B3GALT1: variants seen among roughly 807,000 people sequenced by gnomAD.
The protein encoded by B3GALT1 is beta-1,3-galactosyltransferase 1.
In B3GALT1, 10 loss-of-function variants were observed where a neutral mutation model predicts 23.2. That is an observed-to-expected ratio of 0.43 (90% CI 0.27 to 0.73). The LOEUF (loss-of-function observed/expected upper bound fraction) is 0.73. B3GALT1 is among the 30% of genes least tolerant of loss of function. The probability of loss-of-function intolerance (pLI) is 0.21; values close to 1 mark genes in which losing one functional copy is unlikely to be tolerated. For missense variants in B3GALT1, 299 were observed against 405.4 expected, an observed-to-expected ratio of 0.74 and a Z score of 2.25; for synonymous variants, 156 against 141.5, an observed-to-expected ratio of 1.10 and a Z score of -0.73.
At chr2:167,868,201 T>C (rs933670048) in intron 4 of B3GALT1, among the ~76,000 whole-genome samples, 39 of 152,264 alleles carry the variant, frequency 2.6e-4, no homozygotes, top group Middle Eastern at 6.8e-3. Flanking sequence ...AAAATTAGAA[T>C]TAGAGCTAAG....
Position 167,870,465 on chromosome 2 carries a change from G to A in B3GALT1, c.*445G>A, listed in dbSNP as rs150648556. On this transcript the variant is annotated 3_prime_UTR_variant, in exon 5 of 5. Coordinates refer to ENST00000392690, the MANE Select transcript of B3GALT1 (RefSeq NM_020981.4). ...CTGGATGTGATTATTAATATCGTGT[G>A]TGTTGTTACATTATATTTTTACATA... The A allele has an allele frequency of 3.2e-3, 552 of 171,022 alleles. 3 individuals are homozygous for A. Among genetic ancestry groups the A allele is most frequent in the Non-Finnish European group, 4.1e-3 (287 of 70,524 alleles). 10.6% of individuals were successfully genotyped at this position (171,022 alleles called of 1,614,324 possible).
At chr2:167,844,915 A>T (rs1173202146) in intron 4 of B3GALT1, among the ~76,000 whole-genome samples, 4 of 151,964 alleles carry the variant, frequency 2.6e-5, no homozygotes, top group African/African-American at 9.7e-5. Context: ...GCACAGTGGG[A>T]GTGTGACTGG....
chr2:167,621,672 C>T (rs1005413806), intron 2 of B3GALT1, among the ~76,000 whole-genome samples: 7 of 151,980 alleles, frequency 4.6e-5, no homozygotes, highest in African/African-American at 1.7e-4. Context: ...GGGAGGGACC[C>T]AGTGGGAGGT....
chr2:167,390,151 A>G (rs997314338), intron 1 of B3GALT1, among the ~76,000 whole-genome samples: 5 of 152,104 alleles, frequency 3.3e-5, no homozygotes, highest in Non-Finnish European at 7.3e-5. Flanking sequence ...GTCCTGCCCC[A>G]GCTGGGATTT....
At chr2:167,793,566 C>T (rs1688483950) in intron 3 of B3GALT1, among the ~76,000 whole-genome samples, 1 of 152,116 alleles carries the variant, frequency 6.6e-6, no homozygotes, top group South Asian at 2.1e-4. Context: ...TCCACATTTC[C>T]AATTGTGTAG....
At position 167,858,342 on chromosome 2, in the gene B3GALT1, A is replaced by C. The variant is rs566472132; in HGVS notation, c.-229-10469A>C. 1.8e-4 allele frequency among the ~76,000 whole-genome samples: 27 copies of C among 150,016 alleles called. No homozygotes were observed. The South Asian group carries it at 5.5e-3, about 31-fold the overall frequency. On this transcript the variant is annotated intron_variant, in intron 4 of 4. Transcript: ENST00000392690. ...TTGTTTTTCTTTTGAACAAGAGCGA[A>C]GTAAAAAAAAAAAAAAAAAAAACTG...
At chr2:167,406,494 A>G (rs1698278516) in intron 1 of B3GALT1, among the ~76,000 whole-genome samples, 1 of 152,046 alleles carries the variant, frequency 6.6e-6, no homozygotes. Flanking sequence ...CCCTCCCCCA[A>G]ATTCTTCCCA....
chr2:167,835,183 G>C (rs958934704), intron 4 of B3GALT1, among the ~76,000 whole-genome samples: 1 of 152,110 alleles, frequency 6.6e-6, no homozygotes, highest in Non-Finnish European at 1.5e-5. Flanking sequence ...AGTGGGTGCA[G>C]GTTAGTGGGT....
intron 1 of B3GALT1, among the ~76,000 whole-genome samples, chr2:167,456,726 A>C (rs1360211566): frequency 3.3e-5 from 5 of 152,142 alleles, no homozygotes; most frequent in Admixed American, 3.3e-4. Flanking sequence ...GATACAACGC[A>C]AGAACAGTCA....
intron 2 of B3GALT1, among the ~76,000 whole-genome samples, chr2:167,570,275 G>C (rs1053269354): frequency 6.6e-6 from 1 of 151,820 alleles, no homozygotes; most frequent in African/African-American, 2.4e-5. Flanking sequence ...GAATTCATCA[G>C]TGAACTCATC....
intron 4 of B3GALT1, among the ~76,000 whole-genome samples, chr2:167,859,929 T>C (rs1277217165): frequency 6.6e-6 from 1 of 152,314 alleles, no homozygotes; most frequent in South Asian, 2.1e-4. Context: ...CTCTGTGATT[T>C]GGAGAGATAA....
At chr2:167,729,624 T>G (rs1687375112) in intron 3 of B3GALT1, among the ~76,000 whole-genome samples, 1 of 152,162 alleles carries the variant, frequency 6.6e-6, no homozygotes, top group South Asian at 2.1e-4. Flanking sequence ...ATTTAAATCT[T>G]TAATAAAGTC....
intron 1 of B3GALT1, among the ~76,000 whole-genome samples, chr2:167,404,979 C>T (rs138679840): frequency 1.8e-4 from 27 of 152,196 alleles, no homozygotes; most frequent in Admixed American, 7.8e-4. Flanking sequence ...GAAAAAATCC[C>T]GAATGTCAAT....
At chr2:167,688,605 C>T (rs992746887) in intron 3 of B3GALT1, among the ~76,000 whole-genome samples, 1 of 151,542 alleles carries the variant, frequency 6.6e-6, no homozygotes, top group Non-Finnish European at 1.5e-5. Flanking sequence ...TCAGTCTGAA[C>T]AACAGAGAGA....
chr2:167,663,147 C>A (rs1245214541), intron 3 of B3GALT1, among the ~76,000 whole-genome samples: 1 of 129,654 alleles, frequency 7.7e-6, no homozygotes, highest in African/African-American at 2.9e-5. Flanking sequence ...GTGTGATGTT[C>A]CCCTTCCTGT....
intron 3 of B3GALT1, among the ~76,000 whole-genome samples, chr2:167,798,397 C>G (rs984850990): frequency 6.6e-6 from 1 of 152,106 alleles, no homozygotes; most frequent in Non-Finnish European, 1.5e-5. Context: ...AGGCTTTCTT[C>G]TAGGGTTTTT....
Position 167,874,017 on chromosome 2 carries a change from T to C in B3GALT1, c.*3997T>C, listed in dbSNP as rs1046133451. The C allele has an allele frequency of 3.3e-5, 5 of 152,194 alleles. No homozygotes were observed. The highest frequency in any genetic ancestry group is 9.7e-5 in the African/African-American group (4 of 41,440). 9.4% of individuals were successfully genotyped at this position (152,194 alleles called of 1,614,324 possible). ...CCATAAAGCTGATTTTTTTAAACCA[T>C]TGGGACAAATAAACAGAAGGAGAAC... On this transcript the variant is annotated 3_prime_UTR_variant, in exon 5 of 5. Transcript: ENST00000392690.
chr2:167,473,201 A>C (rs148887292), intron 1 of B3GALT1, among the ~76,000 whole-genome samples: 2 of 152,276 alleles, frequency 1.3e-5, no homozygotes, highest in African/African-American at 4.8e-5. Context: ...AAAAGTGAGC[A>C]TGTCAAATTT....
chr2:167,791,504 G>T (rs1477632571), intron 3 of B3GALT1, among the ~76,000 whole-genome samples: 13 of 152,104 alleles, frequency 8.5e-5, no homozygotes, highest in African/African-American at 4.8e-5. Context: ...GCCTGCCTGG[G>T]TCTACTCAAT....
Sources: allele counts gnomAD v4.1 joint callset (sites outside exome capture counted in the v4.1 genomes callset), GRCh38; gene constraint gnomAD v4.1.1; transcripts MANE v1.5; gene names NCBI Gene and HGNC (gene_info 2026-07-23, HGNC 2026-07-21).